HSD17B4: variants seen among roughly 807,000 people sequenced by gnomAD.
HSD17B4 encodes hydroxysteroid 17-beta dehydrogenase 4.
Under a neutral mutation model 101.0 loss-of-function variants are expected in HSD17B4, and 70 were observed. The observed-to-expected ratio is 0.69, with a 90% CI of 0.57 to 0.85. The LOEUF is 0.85. Among genes scored for constraint, HSD17B4 ranks in the 40% least tolerant of loss-of-function variants. The pLI is 0.00. For synonymous variants in HSD17B4, 347 were observed against 297.1 expected (o/e 1.17, Z -1.73); for missense variants, 984 against 892.4 (o/e 1.10, Z -1.31).
intron 9 of HSD17B4, among the ~76,000 whole-genome samples, chr5:119,491,759 C>T (rs1750130122): frequency 6.6e-6 from 1 of 152,208 alleles, no homozygotes; most frequent in Middle Eastern, 3.4e-3. Context: ...GAAATATGTA[C>T]TGTCATTTTT....
At chr5:119,476,804 T>C in intron 6 of HSD17B4, 1 of 564,316 alleles carries the variant, frequency 1.8e-6, no homozygotes, top group Non-Finnish European at 2.2e-6. Context: ...TTTTAGTTCC[T>C]TTTTTCACTC....
At chr5:119,473,801 G>T (rs1208115985) in intron 2 of HSD17B4, 107 bp from the exon 3 acceptor site, 4 of 747,280 alleles carry the variant, frequency 5.4e-6, no homozygotes, top group South Asian at 1.5e-5. Context: ...CTGGGCAGAT[G>T]ACTGAAGAGA....
chr5:119,539,274 A>G (rs958790075), intron 23 of HSD17B4, among the ~76,000 whole-genome samples: 4 of 152,178 alleles, frequency 2.6e-5, no homozygotes, highest in African/African-American at 9.7e-5. Flanking sequence ...GGATGAGTTC[A>G]TGTCCTTTGT....
chr5:119,517,948 C>G (rs957916680), intron 17 of HSD17B4, among the ~76,000 whole-genome samples: 2 of 152,096 alleles, frequency 1.3e-5, no homozygotes, highest in African/African-American at 4.8e-5. Flanking sequence ...CTGATGGGGA[C>G]GTGGAGAACC....
intron 11 of HSD17B4, among the ~76,000 whole-genome samples, chr5:119,494,705 T>C (rs1332863376): frequency 6.6e-6 from 1 of 152,136 alleles, no homozygotes; most frequent in African/African-American, 2.4e-5. Context: ...CTTAATTGCC[T>C]GGTAAGTTCC....
chr5:119,509,836 G>T (rs1561473066), intron 16 of HSD17B4, among the ~76,000 whole-genome samples: 1 of 152,146 alleles, frequency 6.6e-6, no homozygotes, highest in Non-Finnish European at 1.5e-5. Flanking sequence ...TGTAGAAAAC[G>T]TTTCCTAGCT....
chr5:119,455,568 C>A (rs32666), intron 1 of HSD17B4, among the ~76,000 whole-genome samples: 50,706 of 135,848 alleles, frequency 0.37, 9,744 homozygotes, highest in Middle Eastern at 0.47. Context: ...CTCTCTCTCT[C>A]TATATATATA....
chr5:119,477,838 AC>A (rs1748736370), intron 7 of HSD17B4: 1 of 260,218 alleles, frequency 3.8e-6, no homozygotes, highest in African/African-American at 2.2e-5. Flanking sequence ...CTGTAGCCTT[AC>A]CTCCTGGGCT....
Position 119,542,020 on chromosome 5 carries a change from A to G in HSD17B4, c.*26A>G, listed in dbSNP as rs778071530. The G allele has an allele frequency of 6.8e-7, 1 of 1,466,108 alleles. No homozygotes were observed. The highest frequency in any genetic ancestry group is 2.3e-5 in the East Asian group (1 of 44,090). The allele number at this position is 1,466,108 out of a possible 1,614,324, so 90.8% of individuals were successfully genotyped here. On this transcript the variant is annotated 3_prime_UTR_variant, in exon 24 of 24. Transcript: ENST00000510025. ...AGGGCACACTACACTATTAATAAAA[A>G]TGGAATCATTAAATACTCTCTTCAC...
At chr5:119,533,516 A>G (rs1437329271) in intron 22 of HSD17B4, among the ~76,000 whole-genome samples, 1 of 152,086 alleles carries the variant, frequency 6.6e-6, no homozygotes, top group Admixed American at 6.6e-5. Context: ...AGGAATGAGA[A>G]AGAGTCAAAA....
intron 17 of HSD17B4, among the ~76,000 whole-genome samples, chr5:119,516,516 G>A (rs911201408): frequency 6.6e-6 from 1 of 152,020 alleles, no homozygotes; most frequent in African/African-American, 2.4e-5. Flanking sequence ...TTTGCTGCGT[G>A]ACAAAAGACG....
rs553132017 is a variant in HSD17B4, at chr5:119,541,891, T to G, written c.2122-14T>G. The G allele has an allele frequency of 6.5e-7, 1 of 1,539,450 alleles. No individual in the cohort carries two copies. Among genetic ancestry groups the G allele is most frequent in the East Asian group, 2.3e-5 (1 of 44,398 alleles). Reference sequence around the variant, plus strand: ...GGTAACAGTTGGCACTCTTTTTCCCTCCTCTCCTTGCAGGCATTCTTTAGT... The same window carrying G: ...GGTAACAGTTGGCACTCTTTTTCCCGCCTCTCCTTGCAGGCATTCTTTAGT... On this transcript the variant is annotated splice_polypyrimidine_tract_variant and intron_variant, in intron 23 of 23. Transcript: ENST00000510025.
intron 2 of HSD17B4, among the ~76,000 whole-genome samples, chr5:119,471,902 A>T (rs547908562): frequency 6.6e-6 from 1 of 152,282 alleles, no homozygotes; most frequent in East Asian, 1.9e-4. Flanking sequence ...CGCATACTTA[A>T]CTTTCAATAG....
chr5:119,525,534 T>A (rs1753508367), intron 18 of HSD17B4, among the ~76,000 whole-genome samples: 1 of 151,812 alleles, frequency 6.6e-6, no homozygotes, highest in Non-Finnish European at 1.5e-5. Flanking sequence ...ACCACGAGGG[T>A]GGGTGTGTGA....
rs1253502049 is a variant in HSD17B4, at chr5:119,473,847, CA to C, written c.113-60del. The C allele has an allele frequency of 3.4e-5, 33 of 981,688 alleles. No individual in the cohort carries two copies. The African/African-American group carries it at 4.9e-4, about 15-fold the overall frequency. The allele number at this position is 981,688 out of a possible 1,614,324, so 60.8% of individuals were successfully genotyped here. A position where few individuals can be genotyped will look rare whatever the true frequency, so the allele number is the denominator to read the frequency against. ...ATTAGAATTTCATTTTCCACACACA[CA>C]CACACACATTTTGAAAGTCTAGAAT... On this transcript the variant is annotated intron_variant, in intron 2 of 23. Coordinates refer to ENST00000510025, the MANE Select transcript of HSD17B4 (RefSeq NM_000414.4).
intron 16 of HSD17B4, among the ~76,000 whole-genome samples, chr5:119,514,449 A>C (rs569980733): frequency 6.6e-6 from 1 of 152,196 alleles, no homozygotes; most frequent in Non-Finnish European, 1.5e-5. Context: ...ATCAACCCTA[A>C]ACTGGCACTC....
chr5:119,500,316 A>C (rs1281138405), intron 13 of HSD17B4, among the ~76,000 whole-genome samples: 1 of 152,042 alleles, frequency 6.6e-6, no homozygotes, highest in African/African-American at 2.4e-5. Flanking sequence ...ATATAGAGAG[A>C]GAGATGGGTG....
At chr5:119,507,832 A>C (rs1751801454) in intron 15 of HSD17B4, among the ~76,000 whole-genome samples, 1 of 152,000 alleles carries the variant, frequency 6.6e-6, no homozygotes, top group Admixed American at 6.6e-5. Flanking sequence ...TTTAAAAATT[A>C]AATTTAAATT....
intron 15 of HSD17B4, among the ~76,000 whole-genome samples, chr5:119,507,273 A>C (rs1210488655): frequency 1.3e-5 from 2 of 152,162 alleles, no homozygotes; most frequent in Non-Finnish European, 2.9e-5. Context: ...TGTGTTAGCT[A>C]TTTGGAACTT....
Sources: gnomAD v4.1 joint callset for allele counts (sites outside exome capture counted in the v4.1 genomes callset) on GRCh38, gnomAD v4.1.1 for gene constraint, MANE v1.5 for transcripts, NCBI Gene and HGNC (gene_info 2026-07-23, HGNC 2026-07-21) for gene names.